NRG1: variants seen among roughly 807,000 people sequenced by gnomAD.
NRG1 encodes the protein neuregulin 1.
NRG1 carries 18 observed loss-of-function variants against 63.8 expected under a neutral mutation model. The ratio of observed to expected loss-of-function variants is 0.28; its 90% CI spans 0.19 to 0.42. The LOEUF (loss-of-function observed/expected upper bound fraction) is 0.42. Ranked by LOEUF, NRG1 falls within the 10% of genes least tolerant of loss-of-function variation. The pLI is 1.00. For missense variants in NRG1, 762 were observed against 814.7 expected (o/e 0.94, Z 0.79); for synonymous variants, 302 against 301.3 (o/e 1.00, Z -0.02).
At chr8:32,329,954 G>T (rs948150119) in intron 1 of NRG1, among the ~76,000 whole-genome samples, 6 of 143,950 alleles carry the variant, frequency 4.2e-5, no homozygotes. Flanking sequence ...GCTCATTGCA[G>T]CCTGGAACCC....
chr8:32,362,413 A>G (rs1378083057), intron 1 of NRG1, among the ~76,000 whole-genome samples: 4 of 152,206 alleles, frequency 2.6e-5, no homozygotes, highest in Non-Finnish European at 4.4e-5. Flanking sequence ...TGTTGTGGAG[A>G]AAAGAGCTAT....
chr8:32,685,763 G>A (rs1239041255), intron 5 of NRG1, among the ~76,000 whole-genome samples: 1 of 152,172 alleles, frequency 6.6e-6, no homozygotes, highest in African/African-American at 2.4e-5. Flanking sequence ...ATTCAGAGTG[G>A]TGCATGCAGA....
chr8:31,796,972 C>T (rs578168592), intron 1 of NRG1, among the ~76,000 whole-genome samples: 116 of 152,212 alleles, frequency 7.6e-4, no homozygotes, highest in African/African-American at 2.6e-3. Context: ...GGCAAACTCT[C>T]CATTTCCAAT....
chr8:32,310,303 G>T (rs557862464), intron 1 of NRG1, among the ~76,000 whole-genome samples: 1 of 152,308 alleles, frequency 6.6e-6, no homozygotes, highest in African/African-American at 2.4e-5. Flanking sequence ...CTATTCATGG[G>T]CTGATTCTTT....
intron 1 of NRG1, among the ~76,000 whole-genome samples, chr8:32,075,831 C>G (rs1011361766): frequency 1.3e-4 from 20 of 152,106 alleles, no homozygotes; most frequent in African/African-American, 4.8e-4. Context: ...GGCCACCACA[C>G]CCACCTAATT....
intron 5 of NRG1, among the ~76,000 whole-genome samples, chr8:32,623,428 C>A (rs1485111626): frequency 6.6e-6 from 1 of 152,212 alleles, no homozygotes; most frequent in Non-Finnish European, 1.5e-5. Context: ...TGGAGAGCTA[C>A]TTTTAATTGA....
chr8:32,149,601 T>C (rs1156350977), intron 1 of NRG1, among the ~76,000 whole-genome samples: 1 of 152,222 alleles, frequency 6.6e-6, no homozygotes. Flanking sequence ...TATAAAGTTT[T>C]TGATGCTAGA....
intron 1 of NRG1, among the ~76,000 whole-genome samples, chr8:32,567,027 G>A (rs1049824702): frequency 6.6e-6 from 1 of 152,132 alleles, no homozygotes; most frequent in Non-Finnish European, 1.5e-5. Flanking sequence ...ATTTTTCGTA[G>A]AGACGGGGTT....
At chr8:32,754,546 A>T in intron 8 of NRG1, 72 bp downstream of exon 8, 1 of 1,382,992 alleles carries the variant, frequency 7.2e-7, no homozygotes, top group South Asian at 1.2e-5. Context: ...GGCTTTGCAG[A>T]ATCTGAGCTC....
At chr8:31,668,392 C>T (rs951356107) in intron 1 of NRG1, among the ~76,000 whole-genome samples, 1 of 152,156 alleles carries the variant, frequency 6.6e-6, no homozygotes, top group Non-Finnish European at 1.5e-5. Flanking sequence ...CTTTATATCC[C>T]CCCAGATGTT....
intron 1 of NRG1, among the ~76,000 whole-genome samples, chr8:31,879,879 A>T (rs1457214046): frequency 6.6e-6 from 1 of 152,142 alleles, no homozygotes; most frequent in African/African-American, 2.4e-5. Flanking sequence ...TTCCCACAAA[A>T]TATATGATTG....
At chr8:32,156,529 T>C (rs1484268649) in intron 1 of NRG1, among the ~76,000 whole-genome samples, 6 of 152,208 alleles carry the variant, frequency 3.9e-5, no homozygotes, top group African/African-American at 1.4e-4. Flanking sequence ...GCATAGAAGG[T>C]GCAGGCTAAA....
intron 1 of NRG1, among the ~76,000 whole-genome samples, chr8:32,150,148 C>A (rs948631454): frequency 6.6e-6 from 1 of 152,044 alleles, no homozygotes; most frequent in South Asian, 2.1e-4. Context: ...CACTACGTAG[C>A]ATTTACAAAC....
chr8:31,688,829 C>T (rs1809181708), intron 1 of NRG1, among the ~76,000 whole-genome samples: 1 of 152,186 alleles, frequency 6.6e-6, no homozygotes, highest in Non-Finnish European at 1.5e-5. Context: ...AATTATCACA[C>T]ATTTGGCTTA....
At chr8:31,774,123 C>T (rs566155840) in intron 1 of NRG1, among the ~76,000 whole-genome samples, 19 of 152,140 alleles carry the variant, frequency 1.2e-4, no homozygotes, top group Admixed American at 1.2e-3. Context: ...CCTCCTGCCA[C>T]TCTCCCCTTT....
At chr8:32,187,479 C>T (rs1193820273) in intron 1 of NRG1, among the ~76,000 whole-genome samples, 1 of 152,164 alleles carries the variant, frequency 6.6e-6, no homozygotes, top group Non-Finnish European at 1.5e-5. Context: ...TTATTGAGAG[C>T]TCTGACTCAA....
At chr8:32,540,901 C>CA (rs143166540) in intron 1 of NRG1, among the ~76,000 whole-genome samples, 39,694 of 152,060 alleles carry the variant, frequency 0.26, 5,629 homozygotes, top group South Asian at 0.36. Context: ...CATGGTTGGT[C>CA]ACCAGTTATT....
chr8:31,981,736 A>G (rs1016274851), intron 1 of NRG1, among the ~76,000 whole-genome samples: 2 of 151,954 alleles, frequency 1.3e-5, no homozygotes, highest in East Asian at 1.9e-4. Flanking sequence ...CAGCATGGTC[A>G]TGGGGTTTCA....
chr8:32,469,243 AAGAG>A (rs1206505783), intron 1 of NRG1, among the ~76,000 whole-genome samples: 5 of 152,202 alleles, frequency 3.3e-5, no homozygotes, highest in Admixed American at 3.3e-4. Context: ...AAGACATGGA[AAGAG>A]AGATGTTTAG....
Sources: gnomAD v4.1 joint callset for allele counts (sites outside exome capture counted in the v4.1 genomes callset) on GRCh38, gnomAD v4.1.1 for gene constraint, MANE v1.5 for transcripts, NCBI Gene and HGNC (gene_info 2026-07-23, HGNC 2026-07-21) for gene names.